Variants in C17orf114 observed in about 807,000 individuals in gnomAD.
C17orf114 encodes uncharacterized protein C17orf114.
upstream of C17orf114, among the ~76,000 whole-genome samples, chr17:4,805,726 C>T (rs1002639041): frequency 6.6e-6 from 1 of 151,426 alleles, no homozygotes; most frequent in East Asian, 2.0e-4. Context: ...CCGAGGAGGG[C>T]GGATCACAAG....
upstream of C17orf114, chr17:4,806,706 G>A (rs1905846656): frequency 6.6e-6 from 1 of 152,068 alleles, no homozygotes; most frequent in Admixed American, 6.5e-5. Context: ...ATCTGGGCTA[G>A]GCCAAATGTG....
At chr17:4,805,067 C>A (rs376634528), upstream of C17orf114, among the ~76,000 whole-genome samples, 110 of 152,210 alleles carry the variant, frequency 7.2e-4, no homozygotes, top group Middle Eastern at 6.8e-3. Context: ...TACAGGCAAT[C>A]TTTTCCCTAC....
chr17:4,801,735 ATT>A (rs533686137), intron 1 of C17orf114, among the ~76,000 whole-genome samples: 4 of 142,854 alleles, frequency 2.8e-5, no homozygotes, highest in Non-Finnish European at 3.1e-5. Flanking sequence ...GAAATTCTTA[ATT>A]TTTTTTTTTT....
upstream of C17orf114, chr17:4,802,405 C>T (rs144045295): frequency 2.5e-6 from 1 of 398,290 alleles, no homozygotes; most frequent in African/African-American, 2.1e-5. Flanking sequence ...CCACCATGGG[C>T]AAAACTACCA....
At chr17:4,804,692 T>C (rs1905598389), upstream of C17orf114, among the ~76,000 whole-genome samples, 1 of 150,270 alleles carries the variant, frequency 6.7e-6, no homozygotes, top group South Asian at 2.1e-4. Context: ...TCTGACTCCC[T>C]GGTTCAAATG....
upstream of C17orf114, chr17:4,802,366 C>T (rs1289561562): frequency 1.0e-5 from 4 of 398,566 alleles, no homozygotes; most frequent in Admixed American, 4.4e-5. Context: ...GGAGGGCCCC[C>T]GGGAGAGGGG....
chr17:4,801,509 AC>A, intron 1 of C17orf114, 54 bp from the exon 2 acceptor site: 2 of 397,732 alleles, frequency 5.0e-6, no homozygotes, highest in Non-Finnish European at 8.9e-6. Flanking sequence ...CTCCTCCCTC[AC>A]CCCCAACCCA....
upstream of C17orf114, among the ~76,000 whole-genome samples, chr17:4,804,603 CTTT>C (rs35194566): frequency 8.2e-5 from 11 of 134,532 alleles, no homozygotes; most frequent in Non-Finnish European, 8.1e-5. Context: ...ATGTTTCTTT[CTTT>C]TTTTTTTTTT....
At chr17:4,804,361 C>T (rs1005981352), upstream of C17orf114, among the ~76,000 whole-genome samples, 51 of 151,918 alleles carry the variant, frequency 3.4e-4, 1 homozygote, top group Non-Finnish European at 1.8e-4. Context: ...CCCGCCACCA[C>T]GCCTGGCTAA....
chr17:4,801,856 G>A (rs572317359), intron 1 of C17orf114, among the ~76,000 whole-genome samples: 4 of 151,172 alleles, frequency 2.6e-5, no homozygotes, highest in African/African-American at 7.3e-5. Context: ...TCAGCCTCCC[G>A]AGTAGCTGGG....
upstream of C17orf114, among the ~76,000 whole-genome samples, chr17:4,806,138 A>C (rs942178790): frequency 1.3e-5 from 2 of 152,258 alleles, no homozygotes; most frequent in Non-Finnish European, 2.9e-5. Context: ...TGATGTGCCC[A>C]CAACACCCAT....
chr17:4,806,902 C>T (rs1209816897), upstream of C17orf114: 1 of 149,334 alleles, frequency 6.7e-6, no homozygotes, highest in African/African-American at 2.4e-5. Context: ...CGGCGCGGGA[C>T]GCCCCGACGC....
At chr17:4,805,099 G>C (rs949220273), upstream of C17orf114, among the ~76,000 whole-genome samples, 10 of 152,038 alleles carry the variant, frequency 6.6e-5, no homozygotes, top group Admixed American at 4.6e-4. Flanking sequence ...AGCAACTACT[G>C]ATCTGATTTC....
At chr17:4,805,848 G>A (rs567703209), upstream of C17orf114, among the ~76,000 whole-genome samples, 58 of 149,574 alleles carry the variant, frequency 3.9e-4, no homozygotes, top group African/African-American at 1.4e-3. Flanking sequence ...AGCTACTCAG[G>A]AGGCTGAGGC....
At chr17:4,805,734 A>G (rs987538332), upstream of C17orf114, among the ~76,000 whole-genome samples, 9 of 152,074 alleles carry the variant, frequency 5.9e-5, no homozygotes, top group African/African-American at 2.2e-4. Flanking sequence ...GGCGGATCAC[A>G]AGGTCAAGAG....
chr17:4,801,545 G>T (rs1428634064), intron 1 of C17orf114, 90 bp from the exon 2 acceptor site: 1 of 365,530 alleles, frequency 2.7e-6, no homozygotes, highest in Non-Finnish European at 4.8e-6. Context: ...AGAAGCAAGG[G>T]AAGACACCTG....
At chr17:4,806,740 G>A (rs1905851230), upstream of C17orf114, 1 of 151,808 alleles carries the variant, frequency 6.6e-6, no homozygotes, top group Non-Finnish European at 1.5e-5. Context: ...CCGGGAGCGG[G>A]GCACCTACCG....
upstream of C17orf114, chr17:4,806,883 T>C (rs1310757984): frequency 6.7e-6 from 1 of 148,860 alleles, no homozygotes; most frequent in African/African-American, 2.4e-5. Flanking sequence ...CCGGGCACGC[T>C]GGGACCGACG....
chr17:4,804,676 G>C (rs1905598222), upstream of C17orf114, among the ~76,000 whole-genome samples: 1 of 149,318 alleles, frequency 6.7e-6, no homozygotes, highest in African/African-American at 2.5e-5. Context: ...CCGGCTCACT[G>C]CAATTTCTGA....
Sources: gnomAD v4.1 joint callset for allele counts (sites outside exome capture counted in the v4.1 genomes callset) on GRCh38, gnomAD v4.1.1 for gene constraint, MANE v1.5 for transcripts, NCBI Gene and HGNC (gene_info 2026-07-23, HGNC 2026-07-21) for gene names.